XIAP: variants seen among roughly 807,000 people sequenced by gnomAD.
XIAP encodes the protein E3 ubiquitin-protein ligase XIAP.
In XIAP, 3 loss-of-function variants were observed where a neutral mutation model predicts 33.1. The ratio of observed to expected loss-of-function variants is 0.09; its 90% CI spans 0.04 to 0.23. The LOEUF (loss-of-function observed/expected upper bound fraction) is 0.23, where lower values mean the gene tolerates loss of function less well. Ranked by LOEUF, XIAP falls within the 10% of genes least tolerant of loss-of-function variation. The pLI is 1.00. For synonymous variants in XIAP, 98 were observed against 121.3 expected (o/e 0.81, Z 1.26); for missense variants, 264 against 363.0 (o/e 0.73, Z 2.22).
Position 123,911,477 on chromosome X carries a change from C to CAAAAAA in XIAP, c.*4304_*4309dup. 7.5e-6 allele frequency: 2 copies of CAAAAAA among 267,873 alleles called. No homozygotes were observed. Among genetic ancestry groups the CAAAAAA allele is most frequent in the Non-Finnish European group, 1.4e-5 (2 of 145,784 alleles). 22.1% of individuals were successfully genotyped at this position (267,873 alleles called of 1,213,427 possible). A position where few individuals can be genotyped will look rare whatever the true frequency, so the allele number is the denominator to read the frequency against. On this transcript the variant is annotated 3_prime_UTR_variant, in exon 7 of 7. Transcript: ENST00000371199. ...GGGCAACAAGAGCAAAACTCTGTCT[C>CAAAAAA]AAAAAAAAAAAAAGATATAAATCAC...
At chrX:123,895,839 G>A (rs1417887766) in intron 5 of XIAP, among the ~76,000 whole-genome samples, 1 of 102,490 alleles carries the variant, frequency 9.8e-6, no homozygotes, top group African/African-American at 3.6e-5. Flanking sequence ...TTGGCTGATT[G>A]CAACCTCCGC....
chrX:123,897,679 C>T (rs1412478723), intron 5 of XIAP, among the ~76,000 whole-genome samples: 1 of 111,448 alleles, frequency 9.0e-6, no homozygotes, highest in Non-Finnish European at 1.9e-5. Context: ...TCTCCTGCAT[C>T]AGCCTCCCCA....
chrX:123,868,208 G>A (rs751778979), intron 1 of XIAP, among the ~76,000 whole-genome samples: 3 of 109,771 alleles, frequency 2.7e-5, no homozygotes, highest in East Asian at 2.9e-4. Context: ...TGTGAAGATC[G>A]CTTGAGCCCG....
At chrX:123,898,399 G>A (rs189774002) in intron 5 of XIAP, among the ~76,000 whole-genome samples, 296 of 111,077 alleles carry the variant, frequency 2.7e-3, no homozygotes, top group Non-Finnish European at 3.1e-3. Flanking sequence ...GTCTCGCTCC[G>A]TCACCGAGGC....
chrX:123,902,995 C>CTTTAAA (rs1477460388), intron 6 of XIAP, among the ~76,000 whole-genome samples: 2 of 110,134 alleles, frequency 1.8e-5, no homozygotes, highest in Non-Finnish European at 3.8e-5. Flanking sequence ...CAGTAGTTAC[C>CTTTAAA]TTTAAGCCAA....
In XIAP at chrX:123,912,367, TA is replaced by T. The variant is rs766473277; in HGVS notation, c.*5187del. ...AAAATGCAAAAAAAAAAAAAGCAAT[TA>T]TTTTTAAACCAACCTAATATATTGT... On this transcript the variant is annotated 3_prime_UTR_variant, in exon 7 of 7. Transcript: ENST00000371199. 14 of 317,471 alleles carry T rather than the reference TA, an allele frequency of 4.4e-5. No individual in the cohort carries two copies. Among genetic ancestry groups the T allele is most frequent in the Non-Finnish European group, 7.2e-5 (12 of 167,256 alleles). The allele number at this position is 317,471 out of a possible 1,213,427, so 26.2% of individuals were successfully genotyped here.
At chrX:123,873,741 A>G (rs960933727) in intron 1 of XIAP, 4 of 104,439 alleles carry the variant, frequency 3.8e-5, no homozygotes, top group Admixed American at 1.1e-4. Context: ...AGCCTGACCA[A>G]CATGGTGAAA....
At chrX:123,867,878 G>A (rs774888838) in intron 1 of XIAP, among the ~76,000 whole-genome samples, 2 of 110,376 alleles carry the variant, frequency 1.8e-5, no homozygotes, top group Non-Finnish European at 3.8e-5. Flanking sequence ...GTTTTACCAT[G>A]TTGGCCAGGC....
chrX:123,878,572 A>G (rs1226019581), intron 1 of XIAP: 1 of 113,417 alleles, frequency 8.8e-6, no homozygotes, highest in African/African-American at 3.2e-5. Context: ...TCATTCAGAA[A>G]ACATTCAAAT....
At chrX:123,903,337 T>A (rs1397906390) in intron 6 of XIAP, among the ~76,000 whole-genome samples, 1 of 108,775 alleles carries the variant, frequency 9.2e-6, no homozygotes, top group East Asian at 2.9e-4. Flanking sequence ...TATAGGCATG[T>A]GCCACCACAC....
rs2148114885 is a variant in XIAP at position 123,910,558 on chromosome X, C to A, written c.*3377C>A. ...GATATACTATGGGATGTATATATAT[C>A]ATTGCTGTTAGAGAAATGAAATAAA... On this transcript the variant is annotated 3_prime_UTR_variant, in exon 7 of 7. Transcript: ENST00000371199. The A allele has an allele frequency of 3.1e-6, 1 of 326,993 alleles. No homozygotes were observed. The highest frequency in any genetic ancestry group is 5.9e-6 in the Non-Finnish European group (1 of 169,576). 26.9% of individuals were successfully genotyped at this position (326,993 alleles called of 1,213,427 possible).
chrX:123,877,158 T>C (rs6649112), intron 1 of XIAP, among the ~76,000 whole-genome samples: 41,223 of 107,683 alleles, frequency 0.38, 6,218 homozygotes, highest in African/African-American at 0.48. Context: ...CCCCGCCTTC[T>C]GGGTTCAAGT....
chrX:123,899,114 C>T (rs2053486698), intron 5 of XIAP, among the ~76,000 whole-genome samples: 3 of 26,531 alleles, frequency 1.1e-4, no homozygotes, highest in Admixed American at 7.7e-4. Context: ...AGCGAGACTA[C>T]GTCTCAAAAA....
At position 123,907,944 on chromosome X, in the gene XIAP, G is replaced by C. The variant is rs1420455142; in HGVS notation, c.*763G>C. On this transcript the variant is annotated 3_prime_UTR_variant, in exon 7 of 7. Coordinates refer to ENST00000371199, the MANE Select transcript of XIAP (RefSeq NM_001167.4). ...GATATACACCAAACTGTTAAATGTG[G>C]TTTCTCTTCGGGGAGGGGGGGATTG... 1 of 289,707 alleles carries C rather than the reference G, an allele frequency of 3.5e-6. No homozygotes were observed. The highest frequency in any genetic ancestry group is 3.9e-5 in the African/African-American group (1 of 25,655). 23.9% of individuals were successfully genotyped at this position (289,707 alleles called of 1,213,427 possible).
intron 1 of XIAP, among the ~76,000 whole-genome samples, chrX:123,861,559 G>T (rs7889824): frequency 0.2 from 22,593 of 110,618 alleles, 1,616 homozygotes; most frequent in South Asian, 0.39. Context: ...TAATAGTAAT[G>T]ACTTATGGAG....
rs1207299387 is a variant in XIAP at position 123,860,278 on chromosome X, C to G, written c.-48C>G. Reference sequence around the variant, plus strand: ...CCGATCGCCGCGGGGCAGTTCGGGCCGGCTGTCCTGGCGCGGTGGGTACAG... The same window carrying G: ...CCGATCGCCGCGGGGCAGTTCGGGCGGGCTGTCCTGGCGCGGTGGGTACAG... On this transcript the variant is annotated 5_prime_UTR_variant, in exon 1 of 7. Coordinates refer to ENST00000371199, the MANE Select transcript of XIAP (RefSeq NM_001167.4). The G allele has an allele frequency of 6.1e-6, 2 of 328,662 alleles. No individual in the cohort carries two copies. Among genetic ancestry groups the G allele is most frequent in the East Asian group, 9.8e-5 (1 of 10,197 alleles). The allele number at this position is 328,662 out of a possible 1,213,427, so 27.1% of individuals were successfully genotyped here.
At chrX:123,885,578 C>A (rs2053343842) in intron 1 of XIAP, 53 bp from the exon 2 acceptor site, 2 of 1,036,836 alleles carry the variant, frequency 1.9e-6, no homozygotes, top group Non-Finnish European at 1.3e-6. Context: ...TAACAAAAGT[C>A]TGTTGCTTGT....
At chrX:123,875,512 C>T (rs777309969) in intron 1 of XIAP, among the ~76,000 whole-genome samples, 3 of 111,665 alleles carry the variant, frequency 2.7e-5, no homozygotes, top group Non-Finnish European at 3.8e-5. Context: ...ACTGCGTTTT[C>T]GTTGTTGGTA....
At chrX:123,900,406 T>G (rs1014044022) in intron 5 of XIAP, 87 bp from the exon 6 acceptor site, 1 of 850,615 alleles carries the variant, frequency 1.2e-6, no homozygotes, top group African/African-American at 2.1e-5. Flanking sequence ...AATTTTTTCA[T>G]TTTAACTATA....
Sources: allele counts gnomAD v4.1 joint callset (sites outside exome capture counted in the v4.1 genomes callset), GRCh38; gene constraint gnomAD v4.1.1; transcripts MANE v1.5; gene names NCBI Gene and HGNC (gene_info 2026-07-23, HGNC 2026-07-21).